Variants in BLTP3A observed in about 807,000 individuals in gnomAD.
BLTP3A encodes ICBP90 binding protein 1.
the BLTP3A span, among the ~76,000 whole-genome samples, chr6:34,851,756 C>T: frequency 6.6e-6 from 1 of 152,168 alleles, no homozygotes; most frequent in Non-Finnish European, 1.5e-5. Flanking sequence ...CATCCAGGAG[C>T]CATGGCCCGG....
At chr6:34,820,247 TTCA>T in the BLTP3A span, among the ~76,000 whole-genome samples, 2 of 152,174 alleles carry the variant, frequency 1.3e-5, no homozygotes, top group African/African-American at 2.4e-5. Context: ...ATCTCTTTTC[TTCA>T]TTTCTCTCAT....
chr6:34,792,273 A>G, the BLTP3A span: 3 of 1,544,918 alleles, frequency 1.9e-6, no homozygotes, highest in Non-Finnish European at 2.6e-6. Context: ...ATTAAGAAGC[A>G]GATCCTGAAA....
chr6:34,804,524 CAG>C, the BLTP3A span, among the ~76,000 whole-genome samples: 1 of 152,064 alleles, frequency 6.6e-6, no homozygotes, highest in Non-Finnish European at 1.5e-5. Context: ...TGATGCCAGG[CAG>C]AGGGAGCCGC....
chr6:34,807,621 A>T, the BLTP3A span, among the ~76,000 whole-genome samples: 3 of 152,216 alleles, frequency 2.0e-5, no homozygotes, highest in African/African-American at 7.2e-5. Context: ...GCAGTAAATG[A>T]GAGTGCTGCA....
At chr6:34,855,695 A>T in the BLTP3A span, 1 of 1,613,568 alleles carries the variant, frequency 6.2e-7, no homozygotes, top group Non-Finnish European at 8.5e-7. Flanking sequence ...TACCCTTTCC[A>T]TTGGGCAGGT....
chr6:34,839,365 G>A, the BLTP3A span, among the ~76,000 whole-genome samples: 3 of 152,262 alleles, frequency 2.0e-5, no homozygotes, highest in Admixed American at 6.5e-5. Context: ...GGGGAGAAAG[G>A]GGAAGGGAGA....
the BLTP3A span, among the ~76,000 whole-genome samples, chr6:34,838,764 G>A: frequency 6.6e-6 from 1 of 151,692 alleles, no homozygotes; most frequent in African/African-American, 2.4e-5. Context: ...GGGCAACATC[G>A]CAAAACCTCA....
the BLTP3A span, chr6:34,857,009 T>G: frequency 7.8e-6 from 12 of 1,533,394 alleles, no homozygotes; most frequent in East Asian, 2.8e-4. Context: ...AAACAAAGTT[T>G]TGGAATTTGG....
the BLTP3A span, chr6:34,857,537 A>G: frequency 7.5e-3 from 11,703 of 1,566,550 alleles, 44 homozygotes; most frequent in Non-Finnish European, 8.3e-3. Context: ...CCTTGGGGCC[A>G]CTACGTATAT....
At chr6:34,817,146 T>C in the BLTP3A span, among the ~76,000 whole-genome samples, 1 of 152,186 alleles carries the variant, frequency 6.6e-6, no homozygotes, top group African/African-American at 2.4e-5. Context: ...CCTTTTGTTG[T>C]TGTCTTATTA....
chr6:34,802,341 G>C, the BLTP3A span, among the ~76,000 whole-genome samples: 24 of 151,570 alleles, frequency 1.6e-4, no homozygotes, highest in East Asian at 4.6e-3. Context: ...TGAGTAGCTG[G>C]GATTACAGGT....
the BLTP3A span, among the ~76,000 whole-genome samples, chr6:34,795,951 G>A: frequency 1.2e-3 from 177 of 152,226 alleles, 1 homozygote; most frequent in African/African-American, 4.1e-3. Context: ...TGGGGCTTTT[G>A]TGTTTGTTTA....
At chr6:34,792,323 G>A in the BLTP3A span, 2 of 1,534,672 alleles carry the variant, frequency 1.3e-6, no homozygotes, top group African/African-American at 1.4e-5. Flanking sequence ...GCCCCCGGCG[G>A]TCCTGGGCCC....
At chr6:34,871,144 T>C in the BLTP3A span, 2 of 1,595,134 alleles carry the variant, frequency 1.3e-6, no homozygotes, top group East Asian at 2.2e-5. Flanking sequence ...TTTTTGCCAA[T>C]GTAAGGGCAC....
At chr6:34,828,766 G>A in the BLTP3A span, among the ~76,000 whole-genome samples, 1 of 151,750 alleles carries the variant, frequency 6.6e-6, no homozygotes, top group African/African-American at 2.4e-5. Flanking sequence ...AGTGGCTCAT[G>A]CCTGTAATCC....
At chr6:34,842,532 A>C in the BLTP3A span, among the ~76,000 whole-genome samples, 2 of 152,080 alleles carry the variant, frequency 1.3e-5, no homozygotes, top group Admixed American at 1.3e-4. Context: ...TAGATATAAC[A>C]ATCATCTGTG....
chr6:34,870,857 C>T, the BLTP3A span: 3 of 1,613,954 alleles, frequency 1.9e-6, no homozygotes, highest in Non-Finnish European at 2.5e-6. Flanking sequence ...CACAAAGGTA[C>T]ATGCTTTCAG....
the BLTP3A span, among the ~76,000 whole-genome samples, chr6:34,798,594 C>CTTTTTTTTTTTTTTTTTTTTTT: frequency 7.1e-4 from 67 of 94,466 alleles, no homozygotes; most frequent in East Asian, 9.2e-4. Context: ...TTCTTTCTTT[C>CTTTTTTTTTTTTTTTTTTTTTT]TTTTTTTTTT....
At chr6:34,860,424 C>T in the BLTP3A span, among the ~76,000 whole-genome samples, 1 of 152,182 alleles carries the variant, frequency 6.6e-6, no homozygotes, top group Non-Finnish European at 1.5e-5. Context: ...GGTATAAAAA[C>T]AGTGCATTTA....
Sources: allele counts gnomAD v4.1 joint callset (sites outside exome capture counted in the v4.1 genomes callset), GRCh38; gene constraint gnomAD v4.1.1; transcripts MANE v1.5; gene names NCBI Gene and HGNC (gene_info 2026-07-23, HGNC 2026-07-21).